WWC2: variants seen among roughly 807,000 people sequenced by gnomAD.
The protein encoded by WWC2 is protein WWC2.
Under a neutral mutation model 138.5 loss-of-function variants are expected in WWC2, and 101 were observed. The ratio of observed to expected loss-of-function variants is 0.73; its 90% confidence interval spans 0.62 to 0.86. The LOEUF (loss-of-function observed/expected upper bound fraction) is 0.86, where lower values mean the gene tolerates loss of function less well. Among genes scored for constraint, WWC2 ranks in the 40% least tolerant of loss-of-function variants. The pLI, the probability that WWC2 is intolerant of heterozygous loss-of-function variation, is 0.00. For missense variants in WWC2, 1,420 were observed against 1,419.4 expected, an observed-to-expected ratio of 1.00 and a Z score of -0.01; for synonymous variants, 558 against 538.4, an observed-to-expected ratio of 1.04 and a Z score of -0.50.
intron 1 of WWC2, among the ~76,000 whole-genome samples, chr4:183,187,930 GGTT>G (rs1734863297): frequency 6.6e-6 from 1 of 151,646 alleles, no homozygotes; most frequent in Admixed American, 6.6e-5. Context: ...CATTTTGAAG[GGTT>G]GTTATTAGGG....
intron 4 of WWC2, among the ~76,000 whole-genome samples, chr4:183,234,572 C>G (rs774992479): frequency 1.3e-5 from 2 of 152,134 alleles, no homozygotes; most frequent in Non-Finnish European, 2.9e-5. Flanking sequence ...AATAACAAAA[C>G]TTTTTAAATT....
At chr4:183,154,335 A>G (rs1442706362) in intron 1 of WWC2, among the ~76,000 whole-genome samples, 1 of 152,186 alleles carries the variant, frequency 6.6e-6, no homozygotes, top group Non-Finnish European at 1.5e-5. Flanking sequence ...TCAAAGGCTT[A>G]TTATGAGCAT....
intron 1 of WWC2, among the ~76,000 whole-genome samples, chr4:183,147,828 A>G (rs1733506156): frequency 6.6e-6 from 1 of 152,254 alleles, no homozygotes. Flanking sequence ...GGCAGATAGA[A>G]GAACAATAAG....
intron 21 of WWC2, among the ~76,000 whole-genome samples, chr4:183,296,933 C>G (rs1327546750): frequency 2.8e-5 from 2 of 70,766 alleles, no homozygotes; most frequent in East Asian, 1.1e-3. Context: ...GACTCCGTCT[C>G]AAAAAAAAAA....
chr4:183,215,006 T>C (rs1735715974), intron 4 of WWC2, among the ~76,000 whole-genome samples: 2 of 152,190 alleles, frequency 1.3e-5, no homozygotes, highest in Non-Finnish European at 2.9e-5. Flanking sequence ...TATTTGGAAA[T>C]GAATTTGTAT....
At chr4:183,238,727 C>T (rs1736511824) in intron 4 of WWC2, among the ~76,000 whole-genome samples, 1 of 152,168 alleles carries the variant, frequency 6.6e-6, no homozygotes, top group Non-Finnish European at 1.5e-5. Context: ...AGGCTCCACC[C>T]AAGCCCTCAG....
At chr4:183,196,213 C>G (rs1735137283) in intron 2 of WWC2, among the ~76,000 whole-genome samples, 1 of 152,108 alleles carries the variant, frequency 6.6e-6, no homozygotes, top group Non-Finnish European at 1.5e-5. Context: ...AACCTCTTTT[C>G]TTCATAAATT....
At chr4:183,256,891 C>T (rs1168383434) in intron 9 of WWC2, among the ~76,000 whole-genome samples, 12 of 20,872 alleles carry the variant, frequency 5.7e-4, no homozygotes, top group South Asian at 8.9e-3. Flanking sequence ...ACAGCCCCCC[C>T]CCCCCCCCCC....
intron 1 of WWC2, among the ~76,000 whole-genome samples, chr4:183,133,139 C>CT: frequency 1.1e-5 from 1 of 88,008 alleles, no homozygotes. Flanking sequence ...TCTTTTCTTT[C>CT]TTTCTTTTTT....
At chr4:183,192,369 G>A (rs533742984) in intron 1 of WWC2, among the ~76,000 whole-genome samples, 17 of 152,302 alleles carry the variant, frequency 1.1e-4, no homozygotes, top group African/African-American at 4.1e-4. Context: ...GGTAGAGCAG[G>A]TTACCCTCAT....
Position 183,319,451 on chromosome 4 carries a change from A to AT in WWC2, c.*3726dup. On this transcript the variant is annotated 3_prime_UTR_variant, in exon 23 of 23. Coordinates refer to ENST00000403733, the MANE Select transcript of WWC2 (RefSeq NM_024949.6). ...GTTTAATAGCCACAGGAAAAGATGCATTTTCAAAAATCAAAAGCACAGTGA... is the reference window on the plus strand; with the variant it reads ...GTTTAATAGCCACAGGAAAAGATGCATTTTTCAAAAATCAAAAGCACAGTGA... The AT allele has an allele frequency of 8.2e-7, 1 of 1,215,372 alleles. No homozygotes were observed. Among genetic ancestry groups the AT allele is most frequent in the Non-Finnish European group, 1.2e-6 (1 of 865,766 alleles). The allele number at this position is 1,215,372 out of a possible 1,614,324, so 75.3% of individuals were successfully genotyped here.
intron 1 of WWC2, among the ~76,000 whole-genome samples, 158 bp downstream of exon 1, chr4:183,099,780 G>A (rs1743105160): frequency 6.6e-6 from 1 of 151,852 alleles, no homozygotes; most frequent in Admixed American, 6.6e-5. Context: ...CCGAGGAGCC[G>A]CCCGTACCCG....
intron 11 of WWC2, among the ~76,000 whole-genome samples, chr4:183,263,812 G>T (rs1737410951): frequency 1.3e-5 from 2 of 152,062 alleles, no homozygotes; most frequent in South Asian, 4.1e-4. Flanking sequence ...TTTTTCAGGG[G>T]ACGTCTGCCC....
In WWC2 at chr4:183,247,607, A is replaced by ATATATACTATATATAC. The variant is rs1242968034; in HGVS notation, c.733-1084_733-1069dup. Among the ~76,000 whole-genome samples, 8 of 136,230 alleles carry ATATATACTATATATAC rather than the reference A, an allele frequency of 5.9e-5. No homozygotes were observed. In the South Asian group the frequency reaches 6.6e-4, roughly 11 times the overall value. The allele number at this position is 136,230 out of a possible 152,430, so 89.4% of individuals were successfully genotyped here. ...ATACTATATATATGCTATATATGCTATATATACTATATATACTATATACTA... is the reference window on the plus strand; with the variant it reads ...ATACTATATATATGCTATATATGCTATATATACTATATATACTATATACTATATATACTATATACTA... On this transcript the variant is annotated intron_variant, in intron 6 of 22. Transcript: ENST00000403733.
chr4:183,304,180 C>T (rs928916663), intron 21 of WWC2, among the ~76,000 whole-genome samples: 19 of 151,972 alleles, frequency 1.3e-4, no homozygotes, highest in African/African-American at 4.6e-4. Context: ...CAAACTACTG[C>T]CCCCAGAATT....
chr4:183,103,716 C>A (rs1298212412), intron 1 of WWC2, among the ~76,000 whole-genome samples: 1 of 150,158 alleles, frequency 6.7e-6, no homozygotes, highest in Non-Finnish European at 1.5e-5. Flanking sequence ...CGCCTCACTG[C>A]AACCTCCGCC....
Position 183,104,046 on chromosome 4 carries a change from A to AC in WWC2, c.131+4426dup, listed in dbSNP as rs973065093. Among the ~76,000 whole-genome samples the AC allele has an allele frequency of 5.0e-4, 70 of 139,360 alleles. No homozygotes were observed. The Middle Eastern group carries it at 0.013, about 26-fold the overall frequency. 91.4% of individuals were successfully genotyped at this position (139,360 alleles called of 152,430 possible). On this transcript the variant is annotated intron_variant, in intron 1 of 22. Coordinates refer to ENST00000403733, the MANE Select transcript of WWC2 (RefSeq NM_024949.6). ...GCGATGTTGGCTCACTGCAGCCTCC[A>AC]CCTCCTGGGTTCAAGTGATTCTCCT...
intron 2 of WWC2, among the ~76,000 whole-genome samples, chr4:183,201,937 G>A (rs1735310033): frequency 1.3e-5 from 2 of 152,158 alleles, no homozygotes; most frequent in African/African-American, 4.8e-5. Flanking sequence ...ATTGAAAGAA[G>A]TTTTATTATA....
chr4:183,275,036 T>C (rs756977019), intron 16 of WWC2, among the ~76,000 whole-genome samples: 7 of 152,178 alleles, frequency 4.6e-5, no homozygotes, highest in Non-Finnish European at 8.8e-5. Context: ...TCTCTAACTG[T>C]AACTTGATGT....
Sources: allele counts gnomAD v4.1 joint callset (sites outside exome capture counted in the v4.1 genomes callset), GRCh38; gene constraint gnomAD v4.1.1; transcripts MANE v1.5; gene names NCBI Gene and HGNC (gene_info 2026-07-23, HGNC 2026-07-21).